PRRC2A: variants seen among roughly 807,000 people sequenced by gnomAD.
PRRC2A encodes protein PRRC2A.
In PRRC2A, 59 loss-of-function variants were observed where a neutral mutation model predicts 224.6. The ratio of observed to expected loss-of-function variants is 0.26; its 90% CI spans 0.21 to 0.33. The LOEUF (loss-of-function observed/expected upper bound fraction) is 0.33. PRRC2A is among the 10% of genes least tolerant of loss of function. PRRC2A has a pLI of 1.00. For missense variants in PRRC2A, 3,095 were observed against 2,880.7 expected (o/e 1.07, Z -1.70); for synonymous variants, 1,194 against 1,109.5 (o/e 1.08, Z -1.51).
chr6:31,621,143 C>G (rs1775228496), intron 1 of PRRC2A, among the ~76,000 whole-genome samples: 1 of 152,208 alleles, frequency 6.6e-6, no homozygotes, highest in African/African-American at 2.4e-5. Context: ...CCGTAACTCC[C>G]TACCCTCCGC....
rs767909082 is a variant in PRRC2A, at chr6:31,633,421, C to G, written c.4362C>G (p.Pro1454=). ...EERPPGLPLP[P]PPPSSSAVFR... ...GTCCCCCGGGGCTTCCCCTGCCTCC[C>G]CCACCTCCCAGCAGTTCTGCTGTCT... Residue 1454 remains proline, a synonymous_variant, in exon 17 of 31, where the codon CCC becomes CCG. Coordinates refer to ENST00000376033, the MANE Select transcript of PRRC2A (RefSeq NM_004638.4). 3 of 1,613,066 alleles carry G rather than the reference C, an allele frequency of 1.9e-6. No individual in the cohort carries two copies. Among genetic ancestry groups the G allele is most frequent in the Non-Finnish European group, 2.5e-6 (3 of 1,180,014 alleles).
Position 31,634,564 on chromosome 6 carries a change from G to T in PRRC2A, c.4935+7G>T. ...GGATGTGGCTGGCACAGAAGTGAGT[G>T]AGGGTGGGAGGGTGTGTCTGAGCTG... is the stretch of plus-strand genomic sequence containing the variant. On this transcript the variant is annotated splice_region_variant and intron_variant, in intron 20 of 30. Coordinates refer to ENST00000376033, the MANE Select transcript of PRRC2A (RefSeq NM_004638.4). 6.2e-7 allele frequency: 1 copy of T among 1,608,970 alleles called. No homozygotes were observed. The highest frequency in any genetic ancestry group is 8.5e-7 in the Non-Finnish European group (1 of 1,178,162).
Position 31,629,553 on chromosome 6 carries a change from G to C in PRRC2A, c.1962G>C (p.Gln654His). The C allele has an allele frequency of 3.9e-6, 6 of 1,552,428 alleles. No homozygotes were observed. The highest frequency in any genetic ancestry group is 1.4e-5 in the African/African-American group (1 of 73,720). ...PPRFQRQQQE[Q>H]LLKQQQQHQW... ...TGTCTTTCCTCCTTTCCTAGGAGCAGCTCCTGAAGCAGCAGCAGCAGCACC... is the reference window on the plus strand; with the variant it reads ...TGTCTTTCCTCCTTTCCTAGGAGCACCTCCTGAAGCAGCAGCAGCAGCACC... The change falls in exon 14 of 31, where the codon CAG (glutamine) becomes CAC (histidine). Residue 654 changes from glutamine to histidine, a missense_variant. Physicochemically the swap from Gln to His is conservative, Grantham distance 24. This residue lies in a region of PRRC2A where 2,001 missense variants were observed against 1,764.9 expected (regional missense o/e 1.13). Transcript: ENST00000376033.
In PRRC2A at chr6:31,636,893, G is replaced by A. The variant is rs377006285; in HGVS notation, c.6095G>A (p.Arg2032Gln). Residue 2032 changes from arginine (R) to glutamine (Q), a missense_variant, in exon 28 of 31, where the codon CGG becomes CAG. By Grantham distance (43) the Arg-to-Gln change is conservative (BLOSUM62 1). Coordinates refer to ENST00000376033, the MANE Select transcript of PRRC2A (RefSeq NM_004638.4). This position sits in a 1 kb window ranked among gnomAD's most constrained non-coding sequence, Gnocchi z 4.3. ...AVRPPPAPAT[R>Q]VLPSPARPFP... ...CGGCCCCCACCTGCTCCTGCTACTC[G>A]GGTGCTGCCTTCACCTGCCAGGCCC... is the stretch of plus-strand genomic sequence containing the variant. 2.3e-5 allele frequency: 37 copies of A among 1,612,818 alleles called. No individual in the cohort carries two copies. The highest frequency in any genetic ancestry group is 1.6e-4 in the Middle Eastern group (1 of 6,084).
intron 2 of PRRC2A, 132 bp from the exon 3 acceptor site, chr6:31,623,600 A>G: frequency 9.6e-7 from 1 of 1,040,240 alleles, no homozygotes; most frequent in Non-Finnish European, 1.4e-6. Flanking sequence ...CAGGGGAAGG[A>G]ATCCCTTCTA....
At chr6:31,624,126 A>T (rs1775622801) in intron 3 of PRRC2A, 135 bp from the exon 4 acceptor site, 1 of 1,125,128 alleles carries the variant, frequency 8.9e-7, no homozygotes, top group African/African-American at 1.6e-5. Flanking sequence ...CAGCCTACAA[A>T]GGATGACAAA....
At position 31,629,755 on chromosome 6, in the gene PRRC2A, C is replaced by G. The variant is rs763097036; in HGVS notation, c.2164C>G (p.Arg722Gly). The change falls in exon 14 of 31, where the codon CGA (arginine) becomes GGA (glycine). Residue 722 changes from arginine (R) to glycine (G), a missense_variant. By Grantham distance (125) the Arg-to-Gly change is moderately radical. Coordinates refer to ENST00000376033, the MANE Select transcript of PRRC2A (RefSeq NM_004638.4). ...PPMPPMNFDP[R>G]WMMIPPYVDP... Reference sequence around the variant, plus strand: ...CATGCCCCCAATGAACTTTGATCCCCGATGGATGATGATTCCTCCTTATGT... The same window carrying G: ...CATGCCCCCAATGAACTTTGATCCCGGATGGATGATGATTCCTCCTTATGT... 1 of 1,612,950 alleles carries G rather than the reference C, an allele frequency of 6.2e-7. No individual in the cohort carries two copies. The highest frequency in any genetic ancestry group is 1.7e-5 in the Admixed American group (1 of 59,882).
chr6:31,627,331 A>C lies in PRRC2A; in HGVS notation c.1290+133A>C. ...TGTGTGAAGTGCCAGGCTGCAGAAC[A>C]TCCTGGGAAGCTTTTAAATATCTTT... On this transcript the variant is annotated intron_variant, in intron 11 of 30. Coordinates refer to ENST00000376033, the MANE Select transcript of PRRC2A (RefSeq NM_004638.4). This position sits in a 1 kb window ranked among gnomAD's most constrained non-coding sequence, Gnocchi z 5.6. The C allele has an allele frequency of 1.5e-6, 1 of 673,156 alleles. No individual in the cohort carries two copies. Among genetic ancestry groups the C allele is most frequent in the Non-Finnish European group, 2.5e-6 (1 of 397,144 alleles). The allele number at this position is 673,156 out of a possible 1,614,324, so 41.7% of individuals were successfully genotyped here.
At chr6:31,624,855 G>GTGGCGCAATCTCGGCTCAC (rs1371671271) in intron 5 of PRRC2A, 14 of 513,900 alleles carry the variant, frequency 2.7e-5, no homozygotes, top group Non-Finnish European at 4.5e-5. Context: ...CTGGAGTGCA[G>GTGGCGCAATCTCGGCTCAC]TGGCGCAATC....
At chr6:31,624,971 G>A in intron 5 of PRRC2A, 200 bp from the exon 6 acceptor site, 1 of 614,758 alleles carries the variant, frequency 1.6e-6, no homozygotes, top group Non-Finnish European at 2.8e-6. Flanking sequence ...CTAATTTTTT[G>A]TGTGTTTTTA....
chr6:31,629,903 A>T (rs1484012660), intron 14 of PRRC2A, 58 bp downstream of exon 14: 8 of 1,597,138 alleles, frequency 5.0e-6, no homozygotes, highest in South Asian at 1.1e-5. Flanking sequence ...TAGGCATTGG[A>T]TATTAGGGTC....
intron 14 of PRRC2A, 83 bp from the exon 15 acceptor site, chr6:31,630,508 T>G (rs1776424685): frequency 2.1e-6 from 3 of 1,440,302 alleles, no homozygotes; most frequent in Non-Finnish European, 2.9e-6. Flanking sequence ...AAGAGCTGAC[T>G]TGACCGCGAG....
rs1776623842 is a variant in PRRC2A at position 31,631,804 on chromosome 6, G to A, written c.3131G>A (p.Gly1044Glu). 2 of 1,585,320 alleles carry A rather than the reference G, an allele frequency of 1.3e-6. No individual in the cohort carries two copies. The highest frequency in any genetic ancestry group is 8.6e-7 in the Non-Finnish European group (1 of 1,163,990). Residue 1044 changes from glycine to glutamate, a missense_variant, in exon 16 of 31, where the codon GGA (glycine) becomes GAA (glutamate). Gly to Glu is a moderately conservative substitution (Grantham distance 98). Around this residue, in one of 8 missense-constraint regions of PRRC2A, gnomAD observed 2,001 missense variants for 1,764.9 expected, o/e 1.13. Coordinates refer to ENST00000376033, the MANE Select transcript of PRRC2A (RefSeq NM_004638.4). This position sits in a 1 kb window ranked among gnomAD's most constrained non-coding sequence, Gnocchi z 4.5. ...RGRGFRGTYG[G>E]RGRGARSREF... The stretch of plus-strand genomic sequence containing the variant: ...AGGGGTTTTCGGGGGACCTATGGGG[G>A]ACGAGGGCGGGGAGCCCGAAGCCGG...
At position 31,635,952 on chromosome 6, in the gene PRRC2A, G is replaced by T. The variant is rs372250830; in HGVS notation, c.5542-15G>T. On this transcript the variant is annotated splice_polypyrimidine_tract_variant and intron_variant, in intron 24 of 30. Coordinates refer to ENST00000376033, the MANE Select transcript of PRRC2A (RefSeq NM_004638.4). ...CAGATACTAAAGCTGTTTCAACCGT[G>T]CTCCTCTCCTGCAGATCTCTGGGGG... 8.1e-6 allele frequency: 13 copies of T among 1,595,780 alleles called. No individual in the cohort carries two copies. In the African/African-American group the frequency reaches 1.5e-4, roughly 18 times the overall value.
intron 2 of PRRC2A, among the ~76,000 whole-genome samples, chr6:31,623,507 T>TC (rs932268099): frequency 1.3e-5 from 2 of 152,130 alleles, no homozygotes; most frequent in Admixed American, 1.3e-4. Flanking sequence ...CCTCAGGTGA[T>TC]CCGCCTGCCT....
chr6:31,636,821 C>A lies in PRRC2A; in HGVS notation c.6023C>A (p.Ser2008Tyr). The A allele has an allele frequency of 5.0e-6, 8 of 1,611,556 alleles. No homozygotes were observed. Among genetic ancestry groups the A allele is most frequent in the Non-Finnish European group, 5.9e-6 (7 of 1,180,004 alleles). ...CCACCTCCTGCCCCACCTCCCCTTT[C>A]TCTGTTACCTGTGGGCCCTGCTCTG... ...PAPPPAPPPL[S>Y]LLPVGPALQP... The change falls in exon 28 of 31, where the codon TCT (serine) becomes TAT (tyrosine). Residue 2008 changes from serine (S) to tyrosine (Y), a missense_variant. Transcript: ENST00000376033. This position sits in a 1 kb window ranked among gnomAD's most constrained non-coding sequence, Gnocchi z 4.3.
At position 31,636,850 on chromosome 6, in the gene PRRC2A, C is replaced by T. The variant is rs1373351940; in HGVS notation, c.6052C>T (p.Pro2018Ser). 3 of 1,612,178 alleles carry T rather than the reference C, an allele frequency of 1.9e-6. No homozygotes were observed. The highest frequency in any genetic ancestry group is 3.3e-5 in the Admixed American group (2 of 60,016). ...SLLPVGPALQ[P>S]PSLAVRPPPA... Reference sequence around the variant, plus strand: ...GTTACCTGTGGGCCCTGCTCTGCAGCCCCCCAGCCTGGCTGTGCGGCCCCC... The same window carrying T: ...GTTACCTGTGGGCCCTGCTCTGCAGTCCCCCAGCCTGGCTGTGCGGCCCCC... Residue 2018 changes from proline (P) to serine (S), a missense_variant, in exon 28 of 31, where the codon CCC becomes TCC. Pro to Ser is a moderately conservative substitution (Grantham distance 74, BLOSUM62 -1). Coordinates refer to ENST00000376033, the MANE Select transcript of PRRC2A (RefSeq NM_004638.4). The surrounding 1 kb of genome is among the most constrained non-coding windows in gnomAD (Gnocchi z 4.3).
Position 31,635,955 on chromosome 6 carries a change from C to T in PRRC2A, c.5542-12C>T, listed in dbSNP as rs760012126. The T allele has an allele frequency of 4.4e-6, 7 of 1,602,620 alleles. No homozygotes were observed. The Middle Eastern group carries it at 8.3e-4, about 189-fold the overall frequency. On this transcript the variant is annotated splice_polypyrimidine_tract_variant and intron_variant, in intron 24 of 30. Transcript: ENST00000376033. ...ATACTAAAGCTGTTTCAACCGTGCT[C>T]CTCTCCTGCAGATCTCTGGGGGAGC...
intron 2 of PRRC2A, among the ~76,000 whole-genome samples, chr6:31,623,490 C>G (rs1401259927): frequency 6.6e-6 from 1 of 152,126 alleles, no homozygotes; most frequent in Admixed American, 6.5e-5. Context: ...TGGTCTTGAA[C>G]TCCTGACCTC....
Sources: gnomAD v4.1 joint callset for allele counts (sites outside exome capture counted in the v4.1 genomes callset) on GRCh38, gnomAD v4.1.1 for gene constraint, gnomAD v4.1.1 regional missense constraint, Gnocchi (gnomAD v3.1) non-coding constraint, MANE v1.5 for transcripts, NCBI Gene and HGNC (gene_info 2026-07-23, HGNC 2026-07-21) for gene names.